Variants in FAT3 observed in about 807,000 individuals in gnomAD.
FAT3 encodes protocadherin Fat 3.
In FAT3, 95 loss-of-function variants were observed where a neutral mutation model predicts 310.2. That is an observed-to-expected ratio of 0.31 (90% CI 0.26 to 0.36). FAT3 has a LOEUF of 0.36. FAT3 is among the 10% of genes least tolerant of loss of function. The probability of loss-of-function intolerance (pLI) is 1.00; values close to 1 mark genes in which losing one functional copy is unlikely to be tolerated. For synonymous variants in FAT3, 2,314 were observed against 2,192.9 expected, an observed-to-expected ratio of 1.06 and a Z score of -1.54; for missense variants, 5,408 against 5,715.6, an observed-to-expected ratio of 0.95 and a Z score of 1.74.
chr11:92,399,162 A>G (rs533716452), intron 2 of FAT3, among the ~76,000 whole-genome samples: 6 of 152,324 alleles, frequency 3.9e-5, no homozygotes, highest in African/African-American at 1.4e-4. Flanking sequence ...TTAAGATGTA[A>G]ATAGTTTATG....
chr11:92,299,876 T>C (rs1946948804), intron 1 of FAT3, among the ~76,000 whole-genome samples: 1 of 152,134 alleles, frequency 6.6e-6, no homozygotes, highest in Non-Finnish European at 1.5e-5. Flanking sequence ...TTATGAATTG[T>C]AAAGCCTTCC....
At chr11:92,654,912 A>G (rs368963009) in intron 3 of FAT3, among the ~76,000 whole-genome samples, 13 of 152,242 alleles carry the variant, frequency 8.5e-5, no homozygotes, top group African/African-American at 3.1e-4. Context: ...TCACCAAGTC[A>G]TCTCCTTTTC....
intron 4 of FAT3, among the ~76,000 whole-genome samples, chr11:92,740,866 A>G (rs2062959322): frequency 6.6e-6 from 1 of 151,972 alleles, no homozygotes; most frequent in East Asian, 1.9e-4. Context: ...TATATTTGTG[A>G]TTGGTTTCAT....
chr11:92,752,291 G>A (rs950021949), intron 4 of FAT3, among the ~76,000 whole-genome samples: 1 of 152,240 alleles, frequency 6.6e-6, no homozygotes, highest in Non-Finnish European at 1.5e-5. Context: ...AAAACTGCCA[G>A]GTTTAAAACA....
At chr11:92,344,623 A>G (rs1176327893) in intron 1 of FAT3, among the ~76,000 whole-genome samples, 2 of 152,240 alleles carry the variant, frequency 1.3e-5, no homozygotes, top group African/African-American at 4.8e-5. Context: ...GACCTAGAGT[A>G]AGAGTGAATC....
rs943486497 is a variant in FAT3, at chr11:92,792,861, C to T, written c.4706C>T (p.Pro1569Leu). The T allele has an allele frequency of 1.2e-6, 2 of 1,613,818 alleles. No homozygotes were observed. Among genetic ancestry groups the T allele is most frequent in the African/African-American group, 1.3e-5 (1 of 75,018 alleles). Residue 1569 changes from proline (P) to leucine (L), a missense_variant, in exon 9 of 28, where the codon CCA (proline) becomes CTA (leucine). Transcript: ENST00000525166. ...ANDHSPYFTN[P>L]LYEASVFESA... ...GATCACAGTCCTTATTTTACCAACC[C>T]ACTGTATGAAGCGTCTGTGTTTGAA...
intron 1 of FAT3, among the ~76,000 whole-genome samples, chr11:92,302,083 T>C (rs1224968077): frequency 6.6e-6 from 1 of 152,090 alleles, no homozygotes; most frequent in Non-Finnish European, 1.5e-5. Flanking sequence ...ATTCACATGG[T>C]AAATATGTAT....
chr11:92,843,848 C>CAG, intron 18 of FAT3, 86 bp from the exon 19 acceptor site: 1 of 1,252,550 alleles, frequency 8.0e-7, no homozygotes, highest in Non-Finnish European at 1.1e-6. Context: ...CGTAAAGGTA[C>CAG]AGACGTCTTC....
chr11:92,511,107 C>T (rs1243848235), intron 2 of FAT3, among the ~76,000 whole-genome samples: 1 of 152,230 alleles, frequency 6.6e-6, no homozygotes, highest in Non-Finnish European at 1.5e-5. Flanking sequence ...ATGCCTTCAT[C>T]AAACTATGTC....
intron 3 of FAT3, among the ~76,000 whole-genome samples, chr11:92,595,201 C>T (rs1457607904): frequency 6.6e-6 from 1 of 152,110 alleles, no homozygotes; most frequent in Non-Finnish European, 1.5e-5. Context: ...CTGACTTCAA[C>T]ACCACATGAG....
intron 2 of FAT3, among the ~76,000 whole-genome samples, chr11:92,398,411 G>T (rs960344933): frequency 6.8e-6 from 1 of 147,952 alleles, no homozygotes; most frequent in Non-Finnish European, 1.5e-5. Flanking sequence ...TGAGGCAGGA[G>T]AATTGCTTGA....
chr11:92,885,382 G>A (rs1203126316), intron 24 of FAT3, among the ~76,000 whole-genome samples: 2 of 152,180 alleles, frequency 1.3e-5, no homozygotes, highest in African/African-American at 2.4e-5. Flanking sequence ...GAGAAGTTAG[G>A]ATTAAAACCT....
intron 2 of FAT3, among the ~76,000 whole-genome samples, chr11:92,473,352 T>TAGAC (rs1555056730): frequency 8.6e-5 from 13 of 151,738 alleles, no homozygotes; most frequent in Non-Finnish European, 1.8e-4. Flanking sequence ...GATGAAGGGA[T>TAGAC]AGAGATATCA....
chr11:92,444,701 A>C (rs1951169957), intron 2 of FAT3, among the ~76,000 whole-genome samples: 1 of 151,638 alleles, frequency 6.6e-6, no homozygotes, highest in African/African-American at 2.4e-5. Context: ...TTTTCTTAGA[A>C]GCACACTAAT....
intron 4 of FAT3, among the ~76,000 whole-genome samples, chr11:92,752,783 T>C (rs1945864150): frequency 6.6e-6 from 1 of 152,168 alleles, no homozygotes; most frequent in African/African-American, 2.4e-5. Context: ...GGTGTGAGAT[T>C]GTCTCTAGGA....
chr11:92,745,669 G>A (rs778787119), intron 4 of FAT3, among the ~76,000 whole-genome samples: 12 of 151,824 alleles, frequency 7.9e-5, no homozygotes, highest in South Asian at 2.1e-4. Context: ...GGACAAAGCT[G>A]TAATATCAGC....
intron 3 of FAT3, among the ~76,000 whole-genome samples, chr11:92,532,709 C>G (rs1266385773): frequency 6.6e-6 from 1 of 152,164 alleles, no homozygotes; most frequent in Non-Finnish European, 1.5e-5. Flanking sequence ...CAGAAAACAT[C>G]ATGAAGGGAT....
intron 10 of FAT3, 131 bp downstream of exon 10, chr11:92,802,040 A>T (rs1346809337): frequency 1.2e-5 from 11 of 898,930 alleles, no homozygotes; most frequent in East Asian, 2.7e-5. Flanking sequence ...TCTGGAGCTG[A>T]GTAAAGGATC....
chr11:92,276,006 T>C (rs1196478118), intron 1 of FAT3, among the ~76,000 whole-genome samples: 2 of 98,068 alleles, frequency 2.0e-5, no homozygotes, highest in Admixed American at 9.8e-5. Context: ...AAGAATCTCA[T>C]ATCTTATTAA....
Sources: allele counts gnomAD v4.1 joint callset (sites outside exome capture counted in the v4.1 genomes callset), GRCh38; gene constraint gnomAD v4.1.1; transcripts MANE v1.5; gene names NCBI Gene and HGNC (gene_info 2026-07-23, HGNC 2026-07-21).